The following ATF1 variants were observed in gnomAD, a reference collection of about 807,000 sequenced individuals.
The protein encoded by ATF1 is activating transcription factor 1.
ATF1 carries 16 observed loss-of-function variants against 34.7 expected under a neutral mutation model. That is an observed-to-expected ratio of 0.46 (90% CI 0.31 to 0.70). The LOEUF (loss-of-function observed/expected upper bound fraction) is 0.70. ATF1 is among the 30% of genes least tolerant of loss of function. The pLI, the probability that ATF1 is intolerant of heterozygous loss-of-function variation, is 0.05. For synonymous variants in ATF1, 105 were observed against 113.1 expected, an observed-to-expected ratio of 0.93 and a Z score of 0.46; for missense variants, 255 against 321.6, an observed-to-expected ratio of 0.79 and a Z score of 1.58.
At chr12:50,765,282 A>T (rs1417340053) in intron 1 of ATF1, among the ~76,000 whole-genome samples, 1 of 152,160 alleles carries the variant, frequency 6.6e-6, no homozygotes, top group Admixed American at 6.6e-5. Flanking sequence ...GCGTTCTTCT[A>T]AAATGCTCTT....
intron 2 of ATF1, among the ~76,000 whole-genome samples, chr12:50,789,714 C>T (rs1434509865): frequency 1.3e-5 from 2 of 152,068 alleles, no homozygotes; most frequent in Non-Finnish European, 2.9e-5. Context: ...GAGATTGTGC[C>T]ACTGCACTCC....
At chr12:50,774,146 C>T (rs926216683) in intron 1 of ATF1, among the ~76,000 whole-genome samples, 2 of 152,288 alleles carry the variant, frequency 1.3e-5, no homozygotes, top group Admixed American at 1.3e-4. Context: ...ATTCTCCTGC[C>T]TCAGCCTCCC....
intron 1 of ATF1, among the ~76,000 whole-genome samples, chr12:50,766,511 CT>C (rs111298206): frequency 0.025 from 3,591 of 142,566 alleles, 119 homozygotes; most frequent in African/African-American, 0.077. Context: ...AAAGGGGAGT[CT>C]TTTTTTTTTT....
In ATF1 at chr12:50,814,321, C is replaced by T. The variant is rs750257536; in HGVS notation, c.553C>T (p.Pro185Ser). 2.7e-5 allele frequency: 44 copies of T among 1,614,088 alleles called. No individual in the cohort carries two copies. In the Admixed American group the frequency reaches 5.5e-4, roughly 20 times the overall value. The change falls in exon 6 of 7, where the codon CCT becomes TCT. Residue 185 changes from proline (P) to serine (S), a missense_variant. Physicochemically the swap from Pro to Ser is moderately conservative, Grantham distance 74. Coordinates refer to ENST00000262053, the MANE Select transcript of ATF1 (RefSeq NM_005171.5). ...DMQTYQIRTT[P>S]SATSLPQTVV... is the part of the protein sequence containing the mutation. ...GCAAACATATCAGATCCGAACTACACCTTCAGCTACTTCTCTGCCACAAAC... is the reference window on the plus strand; with the variant it reads ...GCAAACATATCAGATCCGAACTACATCTTCAGCTACTTCTCTGCCACAAAC...
At chr12:50,778,692 A>T (rs1940987190) in intron 1 of ATF1, among the ~76,000 whole-genome samples, 1 of 152,042 alleles carries the variant, frequency 6.6e-6, no homozygotes, top group Non-Finnish European at 1.5e-5. Flanking sequence ...GGTTCAAGCA[A>T]TTCTCGTGCC....
intron 1 of ATF1, among the ~76,000 whole-genome samples, chr12:50,777,057 A>G (rs961904910): frequency 3.3e-5 from 5 of 152,006 alleles, no homozygotes; most frequent in African/African-American, 4.8e-5. Context: ...TTTCACTGTG[A>G]TGGCCAGACT....
chr12:50,814,456 T>A lies in ATF1; in HGVS notation c.671+17T>A, dbSNP rs75866814. On this transcript the variant is annotated intron_variant, in intron 6 of 6. Coordinates refer to ENST00000262053, the MANE Select transcript of ATF1 (RefSeq NM_005171.5). ...GAAAAACAGGTAGGTAGTAAAATCG[T>A]AGTACCAGAATGGGTAATGTTTTTA... 1,874 of 1,610,272 alleles carry A rather than the reference T, an allele frequency of 1.2e-3. 18 individuals are homozygous for A. The African/African-American group carries it at 0.022, about 19-fold the overall frequency.
chr12:50,776,638 T>A (rs541399270), intron 1 of ATF1, among the ~76,000 whole-genome samples: 155 of 152,238 alleles, frequency 1.0e-3, no homozygotes, highest in African/African-American at 3.5e-3. Flanking sequence ...TTAATTATTT[T>A]AAAAAAATTT....
At chr12:50,774,331 G>A (rs948955596) in intron 1 of ATF1, among the ~76,000 whole-genome samples, 14 of 152,078 alleles carry the variant, frequency 9.2e-5, no homozygotes, top group Non-Finnish European at 5.9e-5. Context: ...CACCGCGCCC[G>A]GCTGCAAGTT....
chr12:50,806,395 A>T, intron 3 of ATF1: 1 of 505,668 alleles, frequency 2.0e-6, no homozygotes, highest in Non-Finnish European at 4.1e-6. Context: ...GATGACAGTT[A>T]TCAGCAGGAT....
At chr12:50,794,332 T>C (rs957054386) in intron 2 of ATF1, among the ~76,000 whole-genome samples, 2 of 149,206 alleles carry the variant, frequency 1.3e-5, no homozygotes, top group African/African-American at 4.9e-5. Flanking sequence ...TTTGGGAGGC[T>C]GAGGCAGGTG....
intron 3 of ATF1, among the ~76,000 whole-genome samples, chr12:50,797,487 T>C (rs780780979): frequency 6.6e-6 from 1 of 152,198 alleles, no homozygotes; most frequent in Non-Finnish European, 1.5e-5. Context: ...AATTATTACA[T>C]GTTTTTTTGA....
At chr12:50,772,106 TC>T (rs1256347485) in intron 1 of ATF1, among the ~76,000 whole-genome samples, 1 of 152,168 alleles carries the variant, frequency 6.6e-6, no homozygotes, top group African/African-American at 2.4e-5. Flanking sequence ...TTGTGCGAGA[TC>T]CAAGAACCCT....
intron 2 of ATF1, among the ~76,000 whole-genome samples, chr12:50,784,913 ATACTT>A (rs1441542586): frequency 6.6e-6 from 1 of 151,082 alleles, no homozygotes; most frequent in Non-Finnish European, 1.5e-5. Context: ...TATTATTATT[ATACTT>A]TAAGTTTTAG....
chr12:50,783,501 A>G (rs1199936344), intron 2 of ATF1, among the ~76,000 whole-genome samples: 1 of 152,198 alleles, frequency 6.6e-6, no homozygotes, highest in Non-Finnish European at 1.5e-5. Flanking sequence ...AAATTTCCTC[A>G]GAAGCATATT....
In ATF1 at chr12:50,814,143, C is replaced by T. The variant is rs117004521; in HGVS notation, c.462C>T (p.Thr154=). 5.8e-3 allele frequency: 9,428 copies of T among 1,614,168 alleles called. 38 individuals carry two copies. The highest frequency in any genetic ancestry group is 6.7e-3 in the Non-Finnish European group (7,877 of 1,180,018). Residue 154 remains threonine (T), a synonymous_variant, in exon 5 of 7, where the codon ACC becomes ACT. Coordinates refer to ENST00000262053, the MANE Select transcript of ATF1 (RefSeq NM_005171.5). ...CAACTATTCTTCAGTATGCACAGAC[C>T]TCTGATGGACAGCAGATACTTGTGC... ...QGTTILQYAQ[T]SDGQQILVPS...
intron 3 of ATF1, among the ~76,000 whole-genome samples, chr12:50,804,231 GA>G (rs971419417): frequency 5.3e-5 from 8 of 151,864 alleles, no homozygotes; most frequent in African/African-American, 1.7e-4. Context: ...AAACACTAAT[GA>G]AAAAAACTAA....
chr12:50,819,558 A>G, intron 6 of ATF1, 77 bp from the exon 7 acceptor site: 12 of 1,519,088 alleles, frequency 7.9e-6, no homozygotes, highest in Non-Finnish European at 1.1e-5. Flanking sequence ...GTGACCACGG[A>G]AAATTACTGA....
rs1311928631 is a variant in ATF1 at position 50,794,172 on chromosome 12, A to G, written c.94-1737A>G. 2.4e-4 allele frequency among the ~76,000 whole-genome samples: 37 copies of G among 151,478 alleles called. No individual in the cohort carries two copies. The East Asian group carries it at 7.0e-3, about 28-fold the overall frequency. On this transcript the variant is annotated intron_variant, in intron 2 of 6. Coordinates refer to ENST00000262053, the MANE Select transcript of ATF1 (RefSeq NM_005171.5). ...TCACCGTGTTAGCCAGGATGTTCTCAATCTCCTGACCTCGTGATCCACCCA... is the reference window on the plus strand; with the variant it reads ...TCACCGTGTTAGCCAGGATGTTCTCGATCTCCTGACCTCGTGATCCACCCA...
Sources: allele counts gnomAD v4.1 joint callset (sites outside exome capture counted in the v4.1 genomes callset), GRCh38; gene constraint gnomAD v4.1.1; transcripts MANE v1.5; gene names NCBI Gene and HGNC (gene_info 2026-07-23, HGNC 2026-07-21).